DAZL: variants seen among roughly 807,000 people sequenced by gnomAD.
DAZL encodes the protein deleted in azoospermia like.
In DAZL, 4 loss-of-function variants were observed where a neutral mutation model predicts 45.0. The ratio of observed to expected loss-of-function variants is 0.09; its 90% CI spans 0.04 to 0.20. The LOEUF (loss-of-function observed/expected upper bound fraction) is 0.20, where lower values mean the gene tolerates loss of function less well. Ranked by LOEUF, DAZL falls within the 10% of genes least tolerant of loss-of-function variation. The pLI is 1.00. For synonymous variants in DAZL, 122 were observed against 112.4 expected (o/e 1.09, Z -0.54); for missense variants, 326 against 351.3 (o/e 0.93, Z 0.58).
At position 16,598,462 on chromosome 3, in the gene DAZL, A is replaced by G; in HGVS notation, c.140T>C (p.Ile47Thr). 1 of 1,608,380 alleles carries G rather than the reference A, an allele frequency of 6.2e-7. No homozygotes were observed. The change falls in exon 2 of 11, where the codon ATT becomes ACT. Residue 47 changes from isoleucine (I) to threonine (T), a missense_variant. By Grantham distance (89) the Ile-to-Thr change is moderately conservative. Around this residue, in one of 3 missense-constraint regions of DAZL, gnomAD observed 81 missense variants for 89.6 expected, o/e 0.90. Coordinates refer to ENST00000399444, the MANE Select transcript of DAZL (RefSeq NM_001351.4). ...GTATGAATACAATACCCTAACATCA[A>G]TTCCTCCAACAAAAACAGTGTTTGG... ...IMPNTVFVGG[I>T]DVRMDETEIR...
At chr3:16,594,337 AGAG>A (rs761119874) in intron 8 of DAZL, among the ~76,000 whole-genome samples, 193 bp downstream of exon 8, 1 of 152,184 alleles carries the variant, frequency 6.6e-6, no homozygotes, top group Non-Finnish European at 1.5e-5. Flanking sequence ...CAAAAACCTG[AGAG>A]AAGAAGGCAC....
At position 16,605,245 on chromosome 3, in the gene DAZL, A is replaced by G. The variant is rs1168629471; in HGVS notation, c.-40T>C. The stretch of plus-strand genomic sequence containing the variant: ...GCAGTTCCCGACCGGCTCCAGGAGG[A>G]GCAGAGGCTGTGCTTGGCGCACCAC... On this transcript the variant is annotated 5_prime_UTR_variant, in exon 1 of 11. Coordinates refer to ENST00000399444, the MANE Select transcript of DAZL (RefSeq NM_001351.4). 3.7e-6 allele frequency: 6 copies of G among 1,613,862 alleles called. No homozygotes were observed. The highest frequency in any genetic ancestry group is 5.1e-6 in the Non-Finnish European group (6 of 1,179,874).
At position 16,605,229 on chromosome 3, in the gene DAZL, G is replaced by C. The variant is rs748917645; in HGVS notation, c.-24C>G. 2.5e-6 allele frequency: 4 copies of C among 1,614,154 alleles called. No homozygotes were observed. The highest frequency in any genetic ancestry group is 3.4e-6 in the Non-Finnish European group (4 of 1,179,974). ...ATGATGGCGGCAGGCAGCAGTTCCC[G>C]ACCGGCTCCAGGAGGAGCAGAGGCT... is the stretch of plus-strand genomic sequence containing the variant. On this transcript the variant is annotated 5_prime_UTR_variant, in exon 1 of 11. Coordinates refer to ENST00000399444, the MANE Select transcript of DAZL (RefSeq NM_001351.4).
intron 1 of DAZL, among the ~76,000 whole-genome samples, chr3:16,604,020 GAA>G (rs755066732): frequency 3.8e-4 from 58 of 152,168 alleles, no homozygotes; most frequent in Non-Finnish European, 5.0e-4. Context: ...CTCTAAAAAT[GAA>G]AAGTGTTATA....
chr3:16,592,564 G>A (rs939857931), intron 9 of DAZL, among the ~76,000 whole-genome samples: 7 of 103,940 alleles, frequency 6.7e-5, no homozygotes, highest in South Asian at 6.2e-4. Context: ...GCGAGACTCT[G>A]TCTTGGGGAA....
intron 1 of DAZL, among the ~76,000 whole-genome samples, chr3:16,601,115 C>G (rs1391343837): frequency 1.3e-5 from 2 of 152,204 alleles, no homozygotes; most frequent in Non-Finnish European, 2.9e-5. Flanking sequence ...TTGGGAAGAA[C>G]CTGATTTCCA....
At chr3:16,590,890 G>A (rs1349464650) in intron 10 of DAZL, among the ~76,000 whole-genome samples, 1 of 151,336 alleles carries the variant, frequency 6.6e-6, no homozygotes, top group Non-Finnish European at 1.5e-5. Flanking sequence ...GACTGCTAAG[G>A]TAGGGGGGTG....
chr3:16,598,780 T>C (rs1020198056), intron 1 of DAZL, among the ~76,000 whole-genome samples, 182 bp from the exon 2 acceptor site: 1 of 145,824 alleles, frequency 6.9e-6, no homozygotes, highest in Admixed American at 6.9e-5. Flanking sequence ...AATGAAAGGA[T>C]ATAGTACTTT....
intron 3 of DAZL, 142 bp downstream of exon 3, chr3:16,597,945 C>G: frequency 1.2e-6 from 1 of 863,320 alleles, no homozygotes; most frequent in Non-Finnish European, 1.7e-6. Context: ...ATTAAAAGAG[C>G]TGGCAATAAA....
chr3:16,602,081 C>G (rs1306645150), intron 1 of DAZL, among the ~76,000 whole-genome samples: 2 of 151,642 alleles, frequency 1.3e-5, no homozygotes, highest in Non-Finnish European at 2.9e-5. Context: ...AAATCAGAAT[C>G]AAAACTTTAA....
At chr3:16,597,387 G>C in intron 4 of DAZL, 103 bp downstream of exon 4, 1 of 884,528 alleles carries the variant, frequency 1.1e-6, no homozygotes, top group South Asian at 1.4e-5. Flanking sequence ...TTTTTGACCA[G>C]AAAGTGTATC....
chr3:16,604,550 C>G, intron 1 of DAZL: 3 of 1,446,232 alleles, frequency 2.1e-6, no homozygotes, highest in Non-Finnish European at 1.8e-6. Context: ...AGAGGCACTT[C>G]CGGCCCAGCC....
chr3:16,599,691 C>T (rs893032576), intron 1 of DAZL, among the ~76,000 whole-genome samples: 1 of 152,044 alleles, frequency 6.6e-6, no homozygotes, highest in African/African-American at 2.4e-5. Flanking sequence ...GGATTTTGAT[C>T]AGAACTGTCT....
At position 16,588,398 on chromosome 3, in the gene DAZL, A is replaced by T. The variant is rs1259174266; in HGVS notation, c.*262T>A. On this transcript the variant is annotated 3_prime_UTR_variant, in exon 11 of 11. Coordinates refer to ENST00000399444, the MANE Select transcript of DAZL (RefSeq NM_001351.4). The stretch of plus-strand genomic sequence containing the variant: ...TTAAACACTTAAAATGCCAATTTTT[A>T]AAAAATCCTTGCAGATAAATCTTAG... The T allele has an allele frequency of 1.1e-5, 4 of 365,786 alleles. No homozygotes were observed. Among genetic ancestry groups the T allele is most frequent in the Admixed American group, 8.0e-5 (2 of 24,906 alleles). 22.7% of individuals were successfully genotyped at this position (365,786 alleles called of 1,614,324 possible). A position where few individuals can be genotyped will look rare whatever the true frequency, so the allele number is the denominator to read the frequency against.
At chr3:16,591,306 A>G (rs1694514682) in intron 10 of DAZL, among the ~76,000 whole-genome samples, 1 of 152,102 alleles carries the variant, frequency 6.6e-6, no homozygotes, top group Non-Finnish European at 1.5e-5. Flanking sequence ...CTCTGTCTGA[A>G]TCAACCTCCA....
At chr3:16,598,918 G>C (rs1694641949) in intron 1 of DAZL, among the ~76,000 whole-genome samples, 1 of 151,744 alleles carries the variant, frequency 6.6e-6, no homozygotes, top group Non-Finnish European at 1.5e-5. Flanking sequence ...TGAGTAGCTG[G>C]GATTACATGC....
chr3:16,598,272 C>G, intron 2 of DAZL, 94 bp from the exon 3 acceptor site: 1 of 1,408,054 alleles, frequency 7.1e-7, no homozygotes, highest in East Asian at 2.3e-5. Flanking sequence ...CAATTTCTCC[C>G]CCATTTATCC....
At chr3:16,590,259 G>C (rs1395430536) in intron 10 of DAZL, among the ~76,000 whole-genome samples, 64 of 149,776 alleles carry the variant, frequency 4.3e-4, no homozygotes, top group Non-Finnish European at 7.4e-4. Context: ...CTTTAAGTAT[G>C]TTTACTCCCT....
chr3:16,603,899 A>C (rs918638257), intron 1 of DAZL, among the ~76,000 whole-genome samples: 3 of 152,284 alleles, frequency 2.0e-5, no homozygotes, highest in Non-Finnish European at 4.4e-5. Flanking sequence ...AACGGTTATA[A>C]GTGTTGGGAT....
Sources: allele counts gnomAD v4.1 joint callset (sites outside exome capture counted in the v4.1 genomes callset), GRCh38; gene constraint gnomAD v4.1.1; regional missense constraint gnomAD v4.1.1; transcripts MANE v1.5; gene names NCBI Gene and HGNC (gene_info 2026-07-23, HGNC 2026-07-21).